Variants in PITPNC1 observed in about 807,000 individuals in gnomAD.
PITPNC1 encodes phosphatidylinositol transfer protein cytoplasmic 1, also known as cytoplasmic phosphatidylinositol transfer protein 1.
Under a neutral mutation model 44.7 loss-of-function variants are expected in PITPNC1, and 18 were observed. The observed-to-expected ratio is 0.40, with a 90% CI of 0.28 to 0.60. The LOEUF is 0.60. Ranked by LOEUF, PITPNC1 falls within the 20% of genes least tolerant of loss-of-function variation. The pLI, the probability that PITPNC1 is intolerant of heterozygous loss-of-function variation, is 0.39. For synonymous variants in PITPNC1, 141 were observed against 149.6 expected (o/e 0.94, Z 0.42); for missense variants, 290 against 418.4 (o/e 0.69, Z 2.68).
At chr17:67,579,959 C>T (rs2144234996) in intron 5 of PITPNC1, among the ~76,000 whole-genome samples, 1 of 151,394 alleles carries the variant, frequency 6.6e-6, no homozygotes, top group South Asian at 2.1e-4. Flanking sequence ...AAAGTTAATA[C>T]ATGGCTATTC....
intron 1 of PITPNC1, among the ~76,000 whole-genome samples, chr17:67,386,743 T>C (rs907050589): frequency 6.6e-6 from 1 of 152,216 alleles, no homozygotes; most frequent in Admixed American, 6.5e-5. Flanking sequence ...GGCTTTGGCC[T>C]GTTTTCTGTT....
intron 1 of PITPNC1, among the ~76,000 whole-genome samples, chr17:67,420,984 T>C (rs1330275699): frequency 6.6e-6 from 1 of 152,176 alleles, no homozygotes; most frequent in Non-Finnish European, 1.5e-5. Flanking sequence ...TTATCCATCA[T>C]GTTAGCTAGA....
chr17:67,381,306 C>T (rs1265276000), intron 1 of PITPNC1, among the ~76,000 whole-genome samples: 3 of 125,476 alleles, frequency 2.4e-5, no homozygotes, highest in African/African-American at 6.2e-5. Context: ...CCAGCCTGGG[C>T]GACAGAACAA....
intron 5 of PITPNC1, among the ~76,000 whole-genome samples, chr17:67,588,679 G>A (rs754240860): frequency 4.6e-5 from 7 of 152,126 alleles, no homozygotes; most frequent in Non-Finnish European, 8.8e-5. Context: ...TATCCCCCTC[G>A]GCCAAGGTCG....
At chr17:67,634,429 G>A (rs957430553) in intron 6 of PITPNC1, among the ~76,000 whole-genome samples, 17 of 151,924 alleles carry the variant, frequency 1.1e-4, no homozygotes, top group African/African-American at 2.4e-4. Context: ...AAAATTAGCC[G>A]GCAGGGTGGT....
intron 5 of PITPNC1, among the ~76,000 whole-genome samples, chr17:67,604,200 G>A (rs764664940): frequency 6.6e-6 from 1 of 152,138 alleles, no homozygotes; most frequent in Non-Finnish European, 1.5e-5. Context: ...CATATAATGG[G>A]TGTTTATCAA....
intron 1 of PITPNC1, among the ~76,000 whole-genome samples, chr17:67,527,369 C>T (rs889022059): frequency 4.6e-5 from 7 of 152,192 alleles, no homozygotes; most frequent in East Asian, 3.8e-4. Context: ...TCAGCTTCCT[C>T]GTCTGTCAAT....
intron 8 of PITPNC1, among the ~76,000 whole-genome samples, chr17:67,682,116 G>A (rs1485305739): frequency 3.9e-5 from 6 of 152,000 alleles, no homozygotes; most frequent in South Asian, 2.1e-4. Flanking sequence ...CAGGAGAATC[G>A]CTTGAACCTG....
intron 6 of PITPNC1, among the ~76,000 whole-genome samples, chr17:67,651,953 G>C (rs1953973026): frequency 6.6e-6 from 1 of 152,204 alleles, no homozygotes. Flanking sequence ...ACACCTTGGA[G>C]TCTTCAGGAG....
At chr17:67,607,437 G>A (rs947527820) in intron 5 of PITPNC1, among the ~76,000 whole-genome samples, 6 of 152,216 alleles carry the variant, frequency 3.9e-5, no homozygotes, top group Non-Finnish European at 8.8e-5. Context: ...GACAGGGGGT[G>A]CTCTGTTGTA....
intron 6 of PITPNC1, among the ~76,000 whole-genome samples, chr17:67,658,357 C>T (rs2042297530): frequency 6.6e-6 from 1 of 152,174 alleles, no homozygotes. Flanking sequence ...ACTGTCGTGC[C>T]CACTTTTGAG....
intron 1 of PITPNC1, among the ~76,000 whole-genome samples, chr17:67,446,985 G>C (rs2039105044): frequency 6.6e-6 from 1 of 150,550 alleles, no homozygotes. Context: ...AGCTACTGGG[G>C]AGGCTGAGGC....
intron 1 of PITPNC1, among the ~76,000 whole-genome samples, chr17:67,394,089 C>T (rs2038178231): frequency 6.6e-6 from 1 of 152,276 alleles, no homozygotes; most frequent in African/African-American, 2.4e-5. Flanking sequence ...CCACCCATCT[C>T]AGCTTCCCAA....
At chr17:67,605,557 T>C (rs1322162626) in intron 5 of PITPNC1, among the ~76,000 whole-genome samples, 2 of 152,238 alleles carry the variant, frequency 1.3e-5, no homozygotes, top group Admixed American at 1.3e-4. Context: ...GGAAATTGCA[T>C]TAGTGGCTCG....
intron 1 of PITPNC1, among the ~76,000 whole-genome samples, chr17:67,488,378 C>T (rs1467603655): frequency 6.6e-6 from 1 of 152,174 alleles, no homozygotes; most frequent in Non-Finnish European, 1.5e-5. Context: ...CCTCCCTGTG[C>T]CCCGGGGGAG....
intron 2 of PITPNC1, among the ~76,000 whole-genome samples, chr17:67,549,710 T>A (rs1483034185): frequency 6.6e-6 from 1 of 152,114 alleles, no homozygotes; most frequent in Non-Finnish European, 1.5e-5. Context: ...GGACTACTAC[T>A]ATGCATGAGG....
Position 67,601,975 on chromosome 17 carries a change from G to A in PITPNC1, c.366+23718G>A, listed in dbSNP as rs150898609. ...AAAGGAAGGGGTCAGGAAAGAGGGG[G>A]CTGAAGGAGGGTAATAAAGGTCAAA... On this transcript the variant is annotated intron_variant, in intron 5 of 8. Coordinates refer to ENST00000581322, the MANE Select transcript of PITPNC1 (RefSeq NM_012417.4). Among the ~76,000 whole-genome samples, 815 of 152,256 alleles carry A rather than the reference G, an allele frequency of 5.4e-3. 4 individuals carry two copies. Among genetic ancestry groups the A allele is most frequent in the African/African-American group, 0.019 (769 of 41,556 alleles).
chr17:67,667,490 C>CAAAAAAAAAAAAAAAAAAAA, intron 6 of PITPNC1, among the ~76,000 whole-genome samples: 1 of 107,644 alleles, frequency 9.3e-6, no homozygotes, highest in Non-Finnish European at 1.8e-5. Flanking sequence ...GATCCTTTCT[C>CAAAAAAAAAAAAAAAAAAAA]AAAAAAAAAA....
chr17:67,622,866 TA>T (rs112921919), intron 5 of PITPNC1, among the ~76,000 whole-genome samples: 5,304 of 147,978 alleles, frequency 0.036, 205 homozygotes, highest in African/African-American at 0.091. Flanking sequence ...ACTCTGTCTT[TA>T]AAAAAAAAAT....
Sources: allele counts gnomAD v4.1 joint callset (sites outside exome capture counted in the v4.1 genomes callset), GRCh38; gene constraint gnomAD v4.1.1; transcripts MANE v1.5; gene names NCBI Gene and HGNC (gene_info 2026-07-23, HGNC 2026-07-21).